Variants in CAPZB observed in about 807,000 individuals in gnomAD.
CAPZB encodes the protein F-actin-capping protein subunit beta.
CAPZB carries 2 observed loss-of-function variants against 38.1 expected under a neutral mutation model. That is an observed-to-expected ratio of 0.05 (90% CI 0.02 to 0.17). The LOEUF is 0.17. Among genes scored for constraint, CAPZB ranks in the 10% least tolerant of loss-of-function variants. The probability of loss-of-function intolerance (pLI) is 1.00; values close to 1 mark genes in which losing one functional copy is unlikely to be tolerated. For missense variants in CAPZB, 161 were observed against 334.2 expected (o/e 0.48, Z 4.04); for synonymous variants, 107 against 127.4 (o/e 0.84, Z 1.08).
rs146350019 is a variant in CAPZB at position 19,481,330 on chromosome 1, G to A, written c.3+4106C>T. Among the ~76,000 whole-genome samples, 626 of 152,236 alleles carry A rather than the reference G, an allele frequency of 4.1e-3. 7 individuals are homozygous for A. The highest frequency in any genetic ancestry group is 0.013 in the African/African-American group (534 of 41,556). On this transcript the variant is annotated intron_variant, in intron 1 of 8. Coordinates refer to ENST00000264202, the MANE Select transcript of CAPZB (RefSeq NM_004930.5). Reference sequence around the variant, plus strand: ...GTTGCATCCCCTGGAATTCCACACCGCACCCTCACTGGTGGATCTGCTGCA... The same window carrying A: ...GTTGCATCCCCTGGAATTCCACACCACACCCTCACTGGTGGATCTGCTGCA...
rs552757356 is a variant in CAPZB, at chr1:19,420,070, C to T, written c.4-320G>A. 8.7e-5 allele frequency: 25 copies of T among 288,400 alleles called. 1 individual carries two copies. In the South Asian group the frequency reaches 1.4e-3, roughly 16 times the overall value. 17.9% of individuals were successfully genotyped at this position (288,400 alleles called of 1,614,324 possible). A position where few individuals can be genotyped will look rare whatever the true frequency, so the allele number is the denominator to read the frequency against. On this transcript the variant is annotated intron_variant, in intron 1 of 8. Coordinates refer to ENST00000264202, the MANE Select transcript of CAPZB (RefSeq NM_004930.5). ...AACAGGCCCTGGTGGCTGCAGATGT[C>T]GTGCCCCCCAGTTGGTTCCATGGTG...
chr1:19,432,405 G>A (rs1046196350), intron 1 of CAPZB, among the ~76,000 whole-genome samples: 7 of 152,076 alleles, frequency 4.6e-5, no homozygotes, highest in South Asian at 2.1e-4. Flanking sequence ...TAGCACCACC[G>A]CACTCCAGCC....
intron 1 of CAPZB, among the ~76,000 whole-genome samples, chr1:19,447,980 A>G (rs2094502204): frequency 6.6e-6 from 1 of 152,210 alleles, no homozygotes; most frequent in Admixed American, 6.5e-5. Context: ...GTGTGAAGAA[A>G]AGAGGGCGGA....
At chr1:19,385,982 G>C (rs374676690) in intron 2 of CAPZB, among the ~76,000 whole-genome samples, 3 of 152,230 alleles carry the variant, frequency 2.0e-5, no homozygotes, top group Admixed American at 2.0e-4. Flanking sequence ...GTCCCGAGAA[G>C]AAGGTAAACA....
At chr1:19,460,574 C>CTT (rs35288971) in intron 1 of CAPZB, among the ~76,000 whole-genome samples, 3,107 of 90,994 alleles carry the variant, frequency 0.034, 155 homozygotes, top group East Asian at 0.076. Context: ...TGTGCCCAGG[C>CTT]TTTTTTTTTT....
At position 19,344,390 on chromosome 1, in the gene CAPZB, A is replaced by G. The variant is rs138529514; in HGVS notation, c.699T>C (p.Phe233=). 1,076 of 1,614,058 alleles carry G rather than the reference A, an allele frequency of 6.7e-4. 14 individuals are homozygous for G. In the East Asian group the frequency reaches 0.019, roughly 28 times the overall value. Residue 233 remains phenylalanine, a synonymous_variant, in exon 8 of 9, where the codon TTT becomes TTC. Transcript: ENST00000264202. ...KIRSTLNEIY[F]GKTKDIVNGL... ...CATTGACGATATCCTTTGTTTTTCC[A>G]AAGTAGATCTCGTTCAGCGTACTTC...
Position 19,404,543 on chromosome 1 carries a change from T to TAAAA in CAPZB, c.93+15114_93+15117dup, listed in dbSNP as rs11356951. 6.7e-3 allele frequency among the ~76,000 whole-genome samples: 853 copies of TAAAA among 127,936 alleles called. 8 individuals are homozygous for TAAAA. Among genetic ancestry groups the TAAAA allele is most frequent in the Non-Finnish European group, 9.2e-3 (559 of 60,440 alleles). The allele number at this position is 127,936 out of a possible 152,430, so 83.9% of individuals were successfully genotyped here. On this transcript the variant is annotated intron_variant, in intron 2 of 8. Coordinates refer to ENST00000264202, the MANE Select transcript of CAPZB (RefSeq NM_004930.5). ...TGGGTGACAGAGCAAAACTCCATGT[T>TAAAA]AAAAAAAAAAAAAAAAAAAAAGAGG...
intron 2 of CAPZB, among the ~76,000 whole-genome samples, chr1:19,401,801 G>A (rs186323900): frequency 3.2e-4 from 48 of 152,230 alleles, no homozygotes; most frequent in African/African-American, 1.1e-3. Flanking sequence ...ATAGGCTGAC[G>A]ACCTATAATA....
chr1:19,427,692 T>A (rs1210581020), intron 1 of CAPZB, among the ~76,000 whole-genome samples: 1 of 152,126 alleles, frequency 6.6e-6, no homozygotes, highest in African/African-American at 2.4e-5. Context: ...GATGTGACAA[T>A]AGCTGTGCAG....
intron 4 of CAPZB, among the ~76,000 whole-genome samples, chr1:19,373,002 A>G (rs1454582181): frequency 6.6e-6 from 1 of 152,158 alleles, no homozygotes; most frequent in East Asian, 1.9e-4. Context: ...TCATCTCCTA[A>G]GCATTTGCGC....
intron 1 of CAPZB, among the ~76,000 whole-genome samples, chr1:19,471,472 A>G (rs1332534796): frequency 6.6e-6 from 1 of 152,078 alleles, no homozygotes; most frequent in Non-Finnish European, 1.5e-5. Context: ...AGGATCCCAC[A>G]CTCACAGTAT....
intron 6 of CAPZB, among the ~76,000 whole-genome samples, chr1:19,352,134 TG>T (rs748652603): frequency 1.3e-5 from 2 of 152,250 alleles, no homozygotes; most frequent in Non-Finnish European, 2.9e-5. Context: ...CTCTGTTCCC[TG>T]CATCTGGAAG....
intron 8 of CAPZB, among the ~76,000 whole-genome samples, chr1:19,340,649 T>C (rs570886000): frequency 9.2e-5 from 14 of 151,958 alleles, no homozygotes; most frequent in East Asian, 7.8e-4. Flanking sequence ...CTGGGCAACA[T>C]AGTGAGACCC....
chr1:19,464,902 GA>G (rs2094564242), intron 1 of CAPZB, among the ~76,000 whole-genome samples: 2 of 152,134 alleles, frequency 1.3e-5, no homozygotes, highest in African/African-American at 2.4e-5. Context: ...CTAGGAGGGG[GA>G]AAAGGGCCAA....
At chr1:19,426,713 G>T (rs1210062239) in intron 1 of CAPZB, among the ~76,000 whole-genome samples, 1 of 152,164 alleles carries the variant, frequency 6.6e-6, no homozygotes, top group Admixed American at 6.5e-5. Flanking sequence ...TCAGCTATCT[G>T]ACTGCAATAG....
intron 2 of CAPZB, among the ~76,000 whole-genome samples, chr1:19,399,369 AC>A (rs1169650583): frequency 3.9e-5 from 6 of 152,228 alleles, no homozygotes; most frequent in Admixed American, 3.9e-4. Flanking sequence ...ACGTCATGTG[AC>A]CCAGAGTTAG....
At chr1:19,484,321 C>CA in intron 1 of CAPZB, 3 of 1,593,640 alleles carry the variant, frequency 1.9e-6, no homozygotes, top group Non-Finnish European at 2.6e-6. Flanking sequence ...TGGTGGCCCC[C>CA]CAAGGCCACG....
Position 19,448,875 on chromosome 1 carries a change from C to G in CAPZB, c.4-29125G>C, listed in dbSNP as rs565104185. 15 of 1,612,922 alleles carry G rather than the reference C, an allele frequency of 9.3e-6. No homozygotes were observed. The African/African-American group carries it at 1.6e-4, about 17-fold the overall frequency. On this transcript the variant is annotated intron_variant, in intron 1 of 8. Coordinates refer to ENST00000264202, the MANE Select transcript of CAPZB (RefSeq NM_004930.5). ...TCACATCTTCTGGGCTGGCCAAGGC[C>G]TGGGCGAGAGAACCCTGTATCCTGG...
intron 2 of CAPZB, among the ~76,000 whole-genome samples, chr1:19,419,340 C>A (rs563861815): frequency 6.6e-6 from 1 of 152,150 alleles, no homozygotes; most frequent in East Asian, 1.9e-4. Context: ...TGAATGCCTG[C>A]GGGATGGGTA....
Sources: gnomAD v4.1 joint callset for allele counts (sites outside exome capture counted in the v4.1 genomes callset) on GRCh38, gnomAD v4.1.1 for gene constraint, MANE v1.5 for transcripts, NCBI Gene and HGNC (gene_info 2026-07-23, HGNC 2026-07-21) for gene names.